The following XIRP2 variants were observed in gnomAD, a reference collection of about 807,000 sequenced individuals.
XIRP2 encodes xin actin binding repeat containing 2, also known as xin actin-binding repeat-containing protein 2.
Under a neutral mutation model 277.0 loss-of-function variants are expected in XIRP2, and 236 were observed. That is an observed-to-expected ratio of 0.85 (90% confidence interval 0.77 to 0.95). The LOEUF (loss-of-function observed/expected upper bound fraction) is 0.95. XIRP2 is among the 40% of genes least tolerant of loss of function. The pLI is 0.00. For synonymous variants in XIRP2, 1,490 were observed against 1,416.5 expected (o/e 1.05, Z -1.17); for missense variants, 4,640 against 4,157.5 (o/e 1.12, Z -3.19).
At chr2:166,970,635 A>T (rs1374668294) in intron 2 of XIRP2, among the ~76,000 whole-genome samples, 1 of 151,896 alleles carries the variant, frequency 6.6e-6, no homozygotes, top group Non-Finnish European at 1.5e-5. Context: ...TAGTGAATCG[A>T]TAGGTACCTT....
Position 167,130,882 on chromosome 2 carries a change from T to C in XIRP2, c.409-5027T>C, listed in dbSNP as rs1342924986. Reference sequence around the variant, plus strand: ...CAAACTAGAACTATGGAGAGTTTTCTGAATTCGTAAGTAACTATGTAACTT... The same window carrying C: ...CAAACTAGAACTATGGAGAGTTTTCCGAATTCGTAAGTAACTATGTAACTT... On this transcript the variant is annotated intron_variant, in intron 2 of 10. Transcript: ENST00000409195. Among the ~76,000 whole-genome samples, 5 of 152,250 alleles carry C rather than the reference T, an allele frequency of 3.3e-5. No homozygotes were observed. In the East Asian group the frequency reaches 9.7e-4, roughly 29 times the overall value.
intron 2 of XIRP2, among the ~76,000 whole-genome samples, chr2:167,026,715 G>T (rs1231625460): frequency 1.3e-5 from 2 of 152,058 alleles, no homozygotes; most frequent in Admixed American, 1.3e-4. Flanking sequence ...CACATATGAA[G>T]CTTAGTTTGG....
chr2:167,043,941 T>C (rs150426943), intron 2 of XIRP2, among the ~76,000 whole-genome samples: 2 of 146,858 alleles, frequency 1.4e-5, no homozygotes, highest in Admixed American at 1.3e-4. Context: ...ATCATCATTC[T>C]GATATAAAAA....
chr2:167,224,650 T>A (rs1035800425), intron 5 of XIRP2, among the ~76,000 whole-genome samples: 1 of 152,166 alleles, frequency 6.6e-6, no homozygotes, highest in African/African-American at 2.4e-5. Context: ...GAATAAAATG[T>A]CCATATAAAT....
intron 4 of XIRP2, among the ~76,000 whole-genome samples, chr2:167,213,052 A>G (rs1694101906): frequency 6.6e-6 from 1 of 151,956 alleles, no homozygotes; most frequent in African/African-American, 2.4e-5. Context: ...CTATATCTCA[A>G]TCATATTTAC....
Position 167,247,120 on chromosome 2 carries a change from AC to A in XIRP2, c.5729del (p.Thr1910LysfsTer4). On this transcript the variant is annotated frameshift_variant, in exon 9 of 11. Coordinates refer to ENST00000409195, the MANE Select transcript of XIRP2 (RefSeq NM_152381.6). LOFTEE classifies it high-confidence loss of function. Reference protein sequence around the residue: ...ECLEKATNTKTEILKKELLKD... With the variant: ...ECLEKATNTKXEILKKELLKD... ...CCTTGAAAAAGCTACAAATACAAAG[AC>A]AGAAATTCTGAAAAAGGAGCTTCTC... is the stretch of plus-strand genomic sequence containing the variant. 1 of 1,613,562 alleles carries A rather than the reference AC, an allele frequency of 6.2e-7. No homozygotes were observed. The highest frequency in any genetic ancestry group is 8.5e-7 in the Non-Finnish European group (1 of 1,179,760).
At chr2:167,018,045 C>A (rs779825892) in intron 2 of XIRP2, among the ~76,000 whole-genome samples, 1 of 152,066 alleles carries the variant, frequency 6.6e-6, no homozygotes, top group African/African-American at 2.4e-5. Flanking sequence ...TACAAGAGAA[C>A]CTCTGGCTCT....
At chr2:166,922,394 A>G (rs1458284367) in intron 2 of XIRP2, among the ~76,000 whole-genome samples, 1 of 152,182 alleles carries the variant, frequency 6.6e-6, no homozygotes, top group Non-Finnish European at 1.5e-5. Context: ...TTTCAGCCAT[A>G]AAATATAAAA....
rs13392449 is a variant in XIRP2 at position 167,155,701 on chromosome 2, C to G, written c.562+19639C>G. Among the ~76,000 whole-genome samples the G allele has an allele frequency of 3.7e-3, 556 of 151,878 alleles. 3 individuals carry two copies. The highest frequency in any genetic ancestry group is 0.01 in the African/African-American group (417 of 41,402). ...AAAACTGGCACAAGACAGGGATGCC[C>G]TCTCTCACCGCTCCTATTCAACATA... On this transcript the variant is annotated intron_variant, in intron 3 of 10. Transcript: ENST00000409195.
At chr2:166,952,050 T>C (rs1052544149) in intron 2 of XIRP2, among the ~76,000 whole-genome samples, 1 of 152,014 alleles carries the variant, frequency 6.6e-6, no homozygotes, top group African/African-American at 2.4e-5. Context: ...ACCTGCCCTA[T>C]TGAAGTGTGT....
intron 1 of XIRP2, 97 bp from the exon 2 acceptor site, chr2:166,903,368 C>T (rs1684431965): frequency 1.6e-6 from 2 of 1,284,524 alleles, no homozygotes; most frequent in South Asian, 3.1e-5. Context: ...TTACTAAGAC[C>T]CAAACCCCAA....
chr2:167,033,258 T>C (rs531100645), intron 2 of XIRP2, among the ~76,000 whole-genome samples: 1 of 151,796 alleles, frequency 6.6e-6, no homozygotes, highest in South Asian at 2.1e-4. Context: ...CATAGACACA[T>C]GGAGGGGGAC....
chr2:167,025,632 C>G (rs1308235134), intron 2 of XIRP2, among the ~76,000 whole-genome samples: 2 of 151,962 alleles, frequency 1.3e-5, no homozygotes. Flanking sequence ...TTGAATGTGT[C>G]CCAGAGATTC....
intron 3 of XIRP2, among the ~76,000 whole-genome samples, chr2:167,184,907 T>A (rs2105360423): frequency 6.6e-6 from 1 of 152,246 alleles, no homozygotes; most frequent in South Asian, 2.1e-4. Context: ...TCAATTTGAA[T>A]GTACTAAGTT....
rs538698648 is a variant in XIRP2 at position 166,929,039 on chromosome 2, C to G, written c.408+25149C>G. On this transcript the variant is annotated intron_variant, in intron 2 of 10. Transcript: ENST00000409195. ...TATAATCTTTGTAAATACTTTCTAT[C>G]GCTGATACTCAAAGACTGATCCCCA... 2.0e-5 allele frequency among the ~76,000 whole-genome samples: 3 copies of G among 152,106 alleles called. No individual in the cohort carries two copies. The South Asian group carries it at 6.2e-4, about 32-fold the overall frequency.
chr2:166,968,314 C>A (rs1000780587), intron 2 of XIRP2, among the ~76,000 whole-genome samples: 13 of 151,818 alleles, frequency 8.6e-5, no homozygotes, highest in African/African-American at 2.9e-4. Flanking sequence ...AATTGGTGTT[C>A]TTTTATCTAT....
At chr2:167,076,123 G>A (rs192195657) in intron 2 of XIRP2, among the ~76,000 whole-genome samples, 1 of 151,862 alleles carries the variant, frequency 6.6e-6, no homozygotes, top group African/African-American at 2.4e-5. Context: ...GGCAACAGAT[G>A]TTTACTGATT....
At chr2:167,099,790 T>C (rs1687928330) in intron 2 of XIRP2, among the ~76,000 whole-genome samples, 1 of 151,888 alleles carries the variant, frequency 6.6e-6, no homozygotes, top group African/African-American at 2.4e-5. Context: ...GCTTCCCGGG[T>C]GAGATAACAC....
chr2:166,960,219 T>C lies in XIRP2; in HGVS notation c.408+56329T>C, dbSNP rs964363345. Among the ~76,000 whole-genome samples the C allele has an allele frequency of 2.6e-5, 4 of 151,654 alleles. No homozygotes were observed. In the South Asian group the frequency reaches 6.2e-4, roughly 24 times the overall value. On this transcript the variant is annotated intron_variant, in intron 2 of 10. Coordinates refer to ENST00000409195, the MANE Select transcript of XIRP2 (RefSeq NM_152381.6). ...TTGAAAACTTGGTGGAGAGGGGATA[T>C]GTTAGTTGAATGATGAAGGAAAATA...
Sources: allele counts gnomAD v4.1 joint callset (sites outside exome capture counted in the v4.1 genomes callset), GRCh38; gene constraint gnomAD v4.1.1; transcripts MANE v1.5; gene names NCBI Gene and HGNC (gene_info 2026-07-23, HGNC 2026-07-21).